Variants in PREX2 observed in about 807,000 individuals in gnomAD.
PREX2 encodes phosphatidylinositol 3,4,5-trisphosphate-dependent Rac exchanger 2 protein.
Under a neutral mutation model 203.2 loss-of-function variants are expected in PREX2, and 107 were observed. That is an observed-to-expected ratio of 0.53 (90% confidence interval 0.45 to 0.62). The LOEUF (loss-of-function observed/expected upper bound fraction) is 0.62, where lower values mean the gene tolerates loss of function less well. Among genes scored for constraint, PREX2 ranks in the 20% least tolerant of loss-of-function variants. PREX2 has a pLI of 0.00. For missense variants in PREX2, 1,777 were observed against 1,955.9 expected, an observed-to-expected ratio of 0.91 and a Z score of 1.72; for synonymous variants, 672 against 663.6, an observed-to-expected ratio of 1.01 and a Z score of -0.19.
intron 17 of PREX2, among the ~76,000 whole-genome samples, chr8:68,081,384 G>A (rs1809517558): frequency 6.6e-6 from 1 of 152,090 alleles, no homozygotes; most frequent in Non-Finnish European, 1.5e-5. Context: ...ACCCATACTG[G>A]TCCGCAGCCT....
chr8:68,061,773 G>A (rs17445916), intron 11 of PREX2, among the ~76,000 whole-genome samples: 28,003 of 152,050 alleles, frequency 0.18, 2,588 homozygotes, highest in African/African-American at 0.19. Context: ...GCGGTTGAGA[G>A]TTTGGGGTGA....
chr8:67,979,612 A>G (rs1806208434), intron 1 of PREX2, among the ~76,000 whole-genome samples: 1 of 152,182 alleles, frequency 6.6e-6, no homozygotes, highest in Admixed American at 6.5e-5. Flanking sequence ...AGATGGTTTT[A>G]TGGTTTGTGG....
chr8:68,103,453 G>C (rs1810320649), intron 23 of PREX2: 1 of 488,814 alleles, frequency 2.0e-6, no homozygotes, highest in Non-Finnish European at 4.1e-6. Context: ...ACCTGAAGTT[G>C]CATCTTCAGA....
At chr8:68,022,173 A>T in intron 4 of PREX2, 33 bp downstream of exon 4, 1 of 1,049,564 alleles carries the variant, frequency 9.5e-7, no homozygotes, top group Non-Finnish European at 1.5e-6. Flanking sequence ...CTGTATGTTG[A>T]TATGTGTTGC....
At chr8:68,069,174 G>C (rs747719724) in intron 12 of PREX2, 38 bp downstream of exon 12, 1 of 933,126 alleles carries the variant, frequency 1.1e-6, no homozygotes, top group South Asian at 1.6e-5. Context: ...ATAGTAGAAT[G>C]CATGTTGTCA....
chr8:67,959,069 AC>A (rs1805562407), intron 1 of PREX2, among the ~76,000 whole-genome samples: 1 of 152,260 alleles, frequency 6.6e-6, no homozygotes, highest in African/African-American at 2.4e-5. Context: ...AAGAAAATAC[AC>A]AAACAAAAGG....
chr8:68,212,969 T>C (rs559154578), intron 37 of PREX2, among the ~76,000 whole-genome samples: 57 of 152,260 alleles, frequency 3.7e-4, no homozygotes, highest in African/African-American at 1.3e-3. Context: ...CCAAAACATA[T>C]ATATTTCCCA....
At position 68,050,062 on chromosome 8, in the gene PREX2, G is replaced by GTATATATA. The variant is rs528671209; in HGVS notation, c.944-3029_944-3022dup. Among the ~76,000 whole-genome samples, 355 of 151,286 alleles carry GTATATATA rather than the reference G, an allele frequency of 2.3e-3. 1 individual carries two copies. Among genetic ancestry groups the GTATATATA allele is most frequent in the African/African-American group, 8.2e-3 (337 of 41,286 alleles). ...TGTATATGTGTGTTTATGTATGTGT[G>GTATATATA]TATATATATATATGTTTATAATTAC... On this transcript the variant is annotated intron_variant, in intron 8 of 39. Transcript: ENST00000288368.
chr8:68,097,343 G>C, intron 22 of PREX2, 142 bp downstream of exon 22: 3 of 620,128 alleles, frequency 4.8e-6, no homozygotes, highest in Non-Finnish European at 7.7e-6. Context: ...TTTTTTTCTT[G>C]AGACAGAATA....
chr8:68,103,220 A>G (rs1201121210), intron 23 of PREX2, among the ~76,000 whole-genome samples: 6 of 152,126 alleles, frequency 3.9e-5, no homozygotes, highest in African/African-American at 9.7e-5. Flanking sequence ...GACTGGGAAA[A>G]TTGCAGGAAA....
intron 38 of PREX2, among the ~76,000 whole-genome samples, chr8:68,223,619 T>A (rs1813000364): frequency 6.6e-6 from 1 of 152,172 alleles, no homozygotes; most frequent in Admixed American, 6.5e-5. Context: ...TGAACAACTC[T>A]CCTTAACCTT....
At chr8:68,029,760 CAACT>C (rs1377346477) in intron 5 of PREX2, among the ~76,000 whole-genome samples, 1 of 152,052 alleles carries the variant, frequency 6.6e-6, no homozygotes, top group Non-Finnish European at 1.5e-5. Context: ...TGCTTTTAAA[CAACT>C]AACAAGGGCT....
intron 34 of PREX2, among the ~76,000 whole-genome samples, chr8:68,155,175 C>T (rs988009822): frequency 2.0e-5 from 3 of 152,068 alleles, no homozygotes; most frequent in Non-Finnish European, 4.4e-5. Flanking sequence ...TATCTGCTGA[C>T]TTGCAGAAGC....
intron 14 of PREX2, among the ~76,000 whole-genome samples, chr8:68,076,617 G>A (rs1191454126): frequency 6.7e-6 from 1 of 150,194 alleles, no homozygotes; most frequent in East Asian, 2.0e-4. Context: ...CTAAAAGATA[G>A]GACTGGGGAA....
intron 34 of PREX2, among the ~76,000 whole-genome samples, chr8:68,154,777 G>A (rs1369482903): frequency 6.6e-6 from 1 of 152,212 alleles, no homozygotes; most frequent in Non-Finnish European, 1.5e-5. Context: ...AGGAGACAAA[G>A]CATACAAAAT....
At chr8:68,223,998 T>C (rs1414165235) in intron 38 of PREX2, among the ~76,000 whole-genome samples, 3 of 152,148 alleles carry the variant, frequency 2.0e-5, no homozygotes, top group Non-Finnish European at 4.4e-5. Context: ...AACATCTTTT[T>C]AAAATTTTTA....
At position 68,134,042 on chromosome 8, in the gene PREX2, G is replaced by A. The variant is rs763674090; in HGVS notation, c.3767-17G>A. 1 of 1,606,564 alleles carries A rather than the reference G, an allele frequency of 6.2e-7. No individual in the cohort carries two copies. The highest frequency in any genetic ancestry group is 8.5e-7 in the Non-Finnish European group (1 of 1,173,510). ...CAACATTTTTCGAAGCATTCTCTAT[G>A]TTCTCTTTGATCACAGATAGTGAGA... On this transcript the variant is annotated splice_polypyrimidine_tract_variant and intron_variant, in intron 31 of 39. Coordinates refer to ENST00000288368, the MANE Select transcript of PREX2 (RefSeq NM_024870.4).
intron 7 of PREX2, among the ~76,000 whole-genome samples, chr8:68,040,191 G>A (rs1312679723): frequency 6.6e-6 from 1 of 152,078 alleles, no homozygotes; most frequent in Admixed American, 6.6e-5. Context: ...GCCACATGCA[G>A]TTGATTTTGT....
chr8:68,215,022 G>A (rs1812805919), intron 37 of PREX2, among the ~76,000 whole-genome samples: 1 of 152,154 alleles, frequency 6.6e-6, no homozygotes, highest in African/African-American at 2.4e-5. Context: ...TCCATTTGAA[G>A]GTAGATTTTT....
Sources: gnomAD v4.1 joint callset for allele counts (sites outside exome capture counted in the v4.1 genomes callset) on GRCh38, gnomAD v4.1.1 for gene constraint, MANE v1.5 for transcripts, NCBI Gene and HGNC (gene_info 2026-07-23, HGNC 2026-07-21) for gene names.